The following TBCD variants were observed in gnomAD, a reference collection of about 807,000 sequenced individuals.
TBCD encodes tubulin folding cofactor D.
Under a neutral mutation model 169.3 loss-of-function variants are expected in TBCD, and 105 were observed. That is an observed-to-expected ratio of 0.62 (90% CI 0.53 to 0.73). The LOEUF is 0.73. Ranked by LOEUF, TBCD falls within the 30% of genes least tolerant of loss-of-function variation. The pLI is 0.00. For synonymous variants in TBCD, 700 were observed against 643.9 expected, an observed-to-expected ratio of 1.09 and a Z score of -1.32; for missense variants, 1,444 against 1,600.1, an observed-to-expected ratio of 0.90 and a Z score of 1.66.
intron 6 of TBCD, among the ~76,000 whole-genome samples, chr17:82,778,621 G>A (rs1280080099): frequency 1.4e-5 from 2 of 143,618 alleles, no homozygotes; most frequent in African/African-American, 2.7e-5. Flanking sequence ...ACGACACCCA[G>A]CCAATTTCTT....
chr17:82,906,831 G>A (rs2060283898), intron 20 of TBCD, among the ~76,000 whole-genome samples: 1 of 152,244 alleles, frequency 6.6e-6, no homozygotes, highest in Non-Finnish European at 1.5e-5. Context: ...AGGGACGCTC[G>A]CTCGTGTGGG....
At chr17:82,892,688 C>T (rs1446511039) in intron 16 of TBCD, among the ~76,000 whole-genome samples, 1 of 152,130 alleles carries the variant, frequency 6.6e-6, no homozygotes, top group Non-Finnish European at 1.5e-5. Context: ...GATCTGAATC[C>T]CGGCCTCGGA....
At chr17:82,921,814 C>G (rs1265163476) in intron 25 of TBCD, among the ~76,000 whole-genome samples, 1 of 152,226 alleles carries the variant, frequency 6.6e-6, no homozygotes, top group Admixed American at 6.5e-5. Flanking sequence ...TTGCTTCTGG[C>G]TGTTTTAATT....
At chr17:82,926,248 C>T (rs571434688) in intron 27 of TBCD, among the ~76,000 whole-genome samples, 152 bp from the exon 28 acceptor site, 130 of 148,640 alleles carry the variant, frequency 8.7e-4, no homozygotes, top group African/African-American at 3.0e-3. Context: ...TGGGTTGTAC[C>T]AGGGGCCATG....
At chr17:82,911,035 G>T (rs1033585211) in intron 22 of TBCD, among the ~76,000 whole-genome samples, 2 of 152,184 alleles carry the variant, frequency 1.3e-5, no homozygotes, top group African/African-American at 4.8e-5. Flanking sequence ...TCAGCAGGGC[G>T]GGTGGCCCTG....
Position 82,929,780 on chromosome 17 carries a change from A to G in TBCD, c.2991+280A>G. On this transcript the variant is annotated intron_variant, in intron 32 of 38. Coordinates refer to ENST00000355528, the MANE Select transcript of TBCD (RefSeq NM_005993.5). The stretch of plus-strand genomic sequence containing the variant: ...AGCTCCCAGCGTCCCCTCGGGGTTC[A>G]ATCCTCCAGGACCTGTGTCTGATGC... The G allele has an allele frequency of 1.2e-5, 7 of 569,152 alleles. No individual in the cohort carries two copies. In the South Asian group the frequency reaches 1.4e-4, roughly 11 times the overall value. The allele number at this position is 569,152 out of a possible 1,614,324, so 35.3% of individuals were successfully genotyped here. A position where few individuals can be genotyped will look rare whatever the true frequency, so the allele number is the denominator to read the frequency against.
intron 7 of TBCD, among the ~76,000 whole-genome samples, chr17:82,796,513 A>G (rs529458432): frequency 2.1e-4 from 32 of 152,328 alleles, no homozygotes; most frequent in African/African-American, 7.7e-4. Context: ...TGAATGTGTT[A>G]TTCTGAGTGG....
chr17:82,843,165 C>T (rs1473466560), intron 13 of TBCD, among the ~76,000 whole-genome samples: 1 of 152,168 alleles, frequency 6.6e-6, no homozygotes, highest in Non-Finnish European at 1.5e-5. Flanking sequence ...TCTCTCTTAA[C>T]ATTTTAGTGT....
In TBCD at chr17:82,884,057, C is replaced by G; in HGVS notation, c.1476-88C>G. 1 of 1,321,354 alleles carries G rather than the reference C, an allele frequency of 7.6e-7. No individual in the cohort carries two copies. The highest frequency in any genetic ancestry group is 1.1e-6 in the Non-Finnish European group (1 of 943,148). The allele number at this position is 1,321,354 out of a possible 1,614,324, so 81.9% of individuals were successfully genotyped here. On this transcript the variant is annotated intron_variant, in intron 14 of 38. Transcript: ENST00000355528. The surrounding 1 kb of genome is among the most constrained non-coding windows in gnomAD (Gnocchi z 4.2). Reference sequence around the variant, plus strand: ...GTCTGAACCTCAAGTGGGCCTGAGTCGTGAGAGAAAGGCTTTCTCATCGAT... The same window carrying G: ...GTCTGAACCTCAAGTGGGCCTGAGTGGTGAGAGAAAGGCTTTCTCATCGAT...
At chr17:82,869,049 C>T (rs983232638) in intron 13 of TBCD, among the ~76,000 whole-genome samples, 18 of 151,880 alleles carry the variant, frequency 1.2e-4, no homozygotes, top group African/African-American at 4.4e-4. Flanking sequence ...GGTGCTTCAG[C>T]GTGAGGGCCA....
chr17:82,834,872 A>G lies in TBCD; in HGVS notation c.1318+19938A>G, dbSNP rs115935734. On this transcript the variant is annotated intron_variant, in intron 13 of 38. Coordinates refer to ENST00000355528, the MANE Select transcript of TBCD (RefSeq NM_005993.5). ...TTCTGCACTTGTGTCCTGGAACTTA[A>G]AGTATAATAAAAAAAAAATACATTA... Among the ~76,000 whole-genome samples, 1,136 of 151,358 alleles carry G rather than the reference A, an allele frequency of 7.5e-3. 10 individuals are homozygous for G. Among genetic ancestry groups the G allele is most frequent in the African/African-American group, 0.027 (1,084 of 40,688 alleles).
At chr17:82,848,440 CCA>C (rs766986440) in intron 13 of TBCD, among the ~76,000 whole-genome samples, 1 of 152,146 alleles carries the variant, frequency 6.6e-6, no homozygotes, top group Non-Finnish European at 1.5e-5. Context: ...TTAAGAATTC[CCA>C]CAGTTTTCTT....
rs974685818 is a variant in TBCD, at chr17:82,842,707, G to A, written c.1319-27517G>A. 7.2e-5 allele frequency among the ~76,000 whole-genome samples: 11 copies of A among 151,802 alleles called. 1 individual carries two copies. ...ACTCTTCAACCTCACTGATAGTTTG[G>A]CTGAGTCTAGAATTTCAGGCCAGAA... On this transcript the variant is annotated intron_variant, in intron 13 of 38. Transcript: ENST00000355528.
chr17:82,758,318 AG>A (rs1248398349), intron 2 of TBCD, among the ~76,000 whole-genome samples: 1 of 137,606 alleles, frequency 7.3e-6, no homozygotes, highest in Non-Finnish European at 1.5e-5. Flanking sequence ...CAGGAGGCAG[AG>A]GTTGCAGTGA....
chr17:82,767,715 G>A (rs1421694153), intron 4 of TBCD, among the ~76,000 whole-genome samples: 1 of 152,146 alleles, frequency 6.6e-6, no homozygotes, highest in African/African-American at 2.4e-5. Context: ...CCAGCAGTTT[G>A]GGAGGCCAAG....
At chr17:82,813,418 T>A (rs144533966) in intron 12 of TBCD, among the ~76,000 whole-genome samples, 82 of 152,260 alleles carry the variant, frequency 5.4e-4, no homozygotes, top group Non-Finnish European at 9.7e-4. Context: ...CCCCGGCTGC[T>A]TGGCTTCTCC....
chr17:82,859,137 A>G (rs2056555492), intron 13 of TBCD, among the ~76,000 whole-genome samples: 2 of 149,926 alleles, frequency 1.3e-5, no homozygotes, highest in Non-Finnish European at 3.0e-5. Flanking sequence ...TGTCCTCCCT[A>G]CACTGACACA....
intron 13 of TBCD, among the ~76,000 whole-genome samples, chr17:82,856,584 A>G (rs1048935792): frequency 6.6e-6 from 1 of 152,220 alleles, no homozygotes; most frequent in Non-Finnish European, 1.5e-5. Context: ...GATGAATGCT[A>G]TCAGGGCCCT....
intron 13 of TBCD, among the ~76,000 whole-genome samples, chr17:82,856,096 C>G (rs1459115962): frequency 6.9e-6 from 1 of 145,468 alleles, no homozygotes; most frequent in Non-Finnish European, 1.5e-5. Flanking sequence ...TCTTGGCCTC[C>G]CAAAGTATTG....
Sources: gnomAD v4.1 joint callset for allele counts (sites outside exome capture counted in the v4.1 genomes callset) on GRCh38, gnomAD v4.1.1 for gene constraint, Gnocchi (gnomAD v3.1) non-coding constraint, MANE v1.5 for transcripts, NCBI Gene and HGNC (gene_info 2026-07-23, HGNC 2026-07-21) for gene names.